The following FHOD1 variants were observed in gnomAD, a reference collection of about 807,000 sequenced individuals.
FHOD1 encodes FH1/FH2 domain-containing protein 1.
Under a neutral mutation model 111.6 loss-of-function variants are expected in FHOD1, and 89 were observed. The observed-to-expected ratio is 0.80, with a 90% CI of 0.67 to 0.95. FHOD1 has a LOEUF of 0.95. Ranked by LOEUF, FHOD1 falls within the 40% of genes least tolerant of loss-of-function variation. The pLI, the probability that FHOD1 is intolerant of heterozygous loss-of-function variation, is 0.00. For missense variants in FHOD1, 1,446 were observed against 1,554.2 expected (o/e 0.93, Z 1.17); for synonymous variants, 618 against 639.0 (o/e 0.97, Z 0.50).
chr16:67,233,958 A>T lies in FHOD1; in HGVS notation c.1745T>A (p.Val582Glu). 6.9e-7 allele frequency: 1 copy of T among 1,456,470 alleles called. No homozygotes were observed. Among genetic ancestry groups the T allele is most frequent in the South Asian group, 1.4e-5 (1 of 73,352 alleles). 90.2% of individuals were successfully genotyped at this position (1,456,470 alleles called of 1,614,324 possible). A position where few individuals can be genotyped will look rare whatever the true frequency, so the allele number is the denominator to read the frequency against. The part of the protein sequence containing the change: ...PSPPLPLLSG[V>E]PPPPPLPPPP... ...AGGTGGAAGTGGGGGAGGGGGGGGT[A>T]CTCCCGAGAGCAGGGGCAGTGGGGG... The change falls in exon 13 of 22, where the codon GTA becomes GAA. Residue 582 changes from valine (V) to glutamate (E), a missense_variant. Transcript: ENST00000258201.
chr16:67,230,701 C>G lies in FHOD1; in HGVS notation c.2758G>C (p.Glu920Gln). 6.2e-7 allele frequency: 1 copy of G among 1,613,828 alleles called. No homozygotes were observed. Among genetic ancestry groups the G allele is most frequent in the Non-Finnish European group, 8.5e-7 (1 of 1,179,936 alleles). The change falls in exon 18 of 22, where the codon GAG (glutamate) becomes CAG (glutamine). Residue 920 changes from glutamate to glutamine, a missense_variant. Physicochemically the swap from Glu to Gln is conservative, Grantham distance 29. Coordinates refer to ENST00000258201, the MANE Select transcript of FHOD1 (RefSeq NM_013241.3). The part of the protein sequence containing the change: ...EESLRSLAKH[E>Q]LAPALRARLT... ...CGGGCACGCAGGGCTGGGGCCAGCTCATGCTTGGCCAAGCTCCGCAGGCTC... is the reference window on the plus strand; with the variant it reads ...CGGGCACGCAGGGCTGGGGCCAGCTGATGCTTGGCCAAGCTCCGCAGGCTC...
chr16:67,247,449 C>A lies in FHOD1; in HGVS notation c.-39G>T. On this transcript the variant is annotated 5_prime_UTR_variant, in exon 1 of 22. Coordinates refer to ENST00000258201, the MANE Select transcript of FHOD1 (RefSeq NM_013241.3). ...GCTCACGCAGCGCGCCTCCGAGTCC[C>A]GGCCCCAGTGCAGCTTCTACTCAAA... is the stretch of plus-strand genomic sequence containing the variant. 1 of 1,599,652 alleles carries A rather than the reference C, an allele frequency of 6.3e-7. No individual in the cohort carries two copies. Among genetic ancestry groups the A allele is most frequent in the Non-Finnish European group, 8.5e-7 (1 of 1,172,016 alleles).
Position 67,230,734 on chromosome 16 carries a change from C to A in FHOD1, c.2725G>T (p.Ala909Ser), listed in dbSNP as rs765662304. Residue 909 changes from alanine (A) to serine (S), a missense_variant, in exon 18 of 22, where the codon GCC becomes TCC. Ala to Ser is a moderately conservative substitution (Grantham distance 99). Coordinates refer to ENST00000258201, the MANE Select transcript of FHOD1 (RefSeq NM_013241.3). ...GCCAAGCTCCGCAGGCTCTCCTCGG[C>A]TGCCCGGCTCCGGCGCTCCAGCTGC... is the stretch of plus-strand genomic sequence containing the variant. ...LGQLERRSRA[A>S]EESLRSLAKH... 13 of 1,611,144 alleles carry A rather than the reference C, an allele frequency of 8.1e-6. No individual in the cohort carries two copies. Among genetic ancestry groups the A allele is most frequent in the Admixed American group, 1.7e-5 (1 of 59,782 alleles).
chr16:67,237,485 A>T lies in FHOD1; in HGVS notation c.839T>A (p.Leu280His). The T allele has an allele frequency of 6.2e-7, 1 of 1,614,144 alleles. No individual in the cohort carries two copies. Among genetic ancestry groups the T allele is most frequent in the Non-Finnish European group, 8.5e-7 (1 of 1,180,002 alleles). ...DPELLVYTVTLINKTLAALPD... is the reference protein window; with the variant it reads ...DPELLVYTVTHINKTLAALPD... ...AGTCCTTGGCCACACCTTGTTGATG[A>T]GGGTGACCGTGTACACCAACAACTC... The change falls in exon 8 of 22, where the codon CTC becomes CAC. Residue 280 changes from leucine (L) to histidine (H), a missense_variant. Physicochemically the swap from Leu to His is moderately conservative, Grantham distance 99 (BLOSUM62 -3). Coordinates refer to ENST00000258201, the MANE Select transcript of FHOD1 (RefSeq NM_013241.3). The surrounding 1 kb of genome is among the most constrained non-coding windows in gnomAD (Gnocchi z 5.6).
chr16:67,234,198 C>G lies in FHOD1; in HGVS notation c.1505G>C (p.Cys502Ser). Residue 502 changes from cysteine to serine, a missense_variant, in exon 13 of 22, where the codon TGT (cysteine) becomes TCT (serine). Physicochemically the swap from Cys to Ser is moderately radical, Grantham distance 112. Transcript: ENST00000258201. Reference protein sequence around the residue: ...AARTPQSPAPCVLLRAQRSLA... With the variant: ...AARTPQSPAPSVLLRAQRSLA... ...GCTTCGCTGGGCCCGGAGCAGGACA[C>G]AGGGGGCAGGGCTCTGGGGTGTTCT... 1 of 1,548,284 alleles carries G rather than the reference C, an allele frequency of 6.5e-7. No homozygotes were observed. The highest frequency in any genetic ancestry group is 1.7e-4 in the Middle Eastern group (1 of 5,726).
chr16:67,237,591 A>G lies in FHOD1; in HGVS notation c.755-22T>C, dbSNP rs2034537731. ...GCACCTGCCACACAGAAAGTGGAGCAGTCATGGGGGAACAGGTAGGAGAGA... is the reference window on the plus strand; with the variant it reads ...GCACCTGCCACACAGAAAGTGGAGCGGTCATGGGGGAACAGGTAGGAGAGA... On this transcript the variant is annotated intron_variant, in intron 7 of 21. Transcript: ENST00000258201. This position sits in a 1 kb window ranked among gnomAD's most constrained non-coding sequence, Gnocchi z 5.6. 8 of 1,613,758 alleles carry G rather than the reference A, an allele frequency of 5.0e-6. No individual in the cohort carries two copies. The highest frequency in any genetic ancestry group is 5.9e-6 in the Non-Finnish European group (7 of 1,179,646).
Position 67,230,485 on chromosome 16 carries a change from G to T in FHOD1, c.2880C>A (p.Tyr960Ter). 1 of 1,614,246 alleles carries T rather than the reference G, an allele frequency of 6.2e-7. No individual in the cohort carries two copies. Among genetic ancestry groups the T allele is most frequent in the South Asian group, 1.1e-5 (1 of 91,090 alleles). The stretch of plus-strand genomic sequence containing the variant: ...GGGCCGCCTGCGGGGTGTAGCCCAG[G>T]TAGAGCAGGAAGGCATGGAACCTAG... ...VCNRFHAFLL[Y>*]LGYTPQAARE... Residue 960 changes from tyrosine to a stop codon, truncating the protein, a stop_gained, in exon 19 of 22, where the codon TAC (tyrosine) becomes TAA (stop). Coordinates refer to ENST00000258201, the MANE Select transcript of FHOD1 (RefSeq NM_013241.3). LOFTEE classifies it high-confidence loss of function.
chr16:67,236,656 G>A lies in FHOD1; in HGVS notation c.1220C>T (p.Pro407Leu), dbSNP rs1182744774. Residue 407 changes from proline to leucine, a missense_variant, in exon 11 of 22, where the codon CCT becomes CTT. Pro to Leu is a moderately conservative substitution (Grantham distance 98). This residue lies in a region of FHOD1 where 1,085 missense variants were observed against 1,108.8 expected (regional missense o/e 0.98). Coordinates refer to ENST00000258201, the MANE Select transcript of FHOD1 (RefSeq NM_013241.3). ...PALLTGPASS[P>L]VGPPSGLQAS... The stretch of plus-strand genomic sequence containing the variant: ...TTGGAGACCGGAGGGAGGGCCCACA[G>A]GGCTGGAGGCGGGGCCTGTCAGCAG... 6.2e-7 allele frequency: 1 copy of A among 1,611,374 alleles called. No homozygotes were observed. The highest frequency in any genetic ancestry group is 1.7e-5 in the Admixed American group (1 of 59,582).
In FHOD1 at chr16:67,233,731, C is replaced by G. The variant is rs1200085030; in HGVS notation, c.1972G>C (p.Asp658His). The change falls in exon 13 of 22, where the codon GAC becomes CAC. Residue 658 changes from aspartate (D) to histidine (H), a missense_variant. Around this residue, in one of 3 missense-constraint regions of FHOD1, gnomAD observed 1,085 missense variants for 1,108.8 expected, o/e 0.98. Transcript: ENST00000258201. ...CGGGCCGTGTCCACTGAGACAGGGT[C>G]CAGTGAAGCCCAGAGGGTGGCGCAG... ...GPCATLWASLDPVSVDTARLE... is the reference protein window; with the variant it reads ...GPCATLWASLHPVSVDTARLE... 1.2e-6 allele frequency: 2 copies of G among 1,613,580 alleles called. No homozygotes were observed. The highest frequency in any genetic ancestry group is 3.3e-5 in the Admixed American group (2 of 59,982).
Position 67,238,794 on chromosome 16 carries a change from C to A in FHOD1, c.373+109G>T. On this transcript the variant is annotated intron_variant, in intron 3 of 21. Coordinates refer to ENST00000258201, the MANE Select transcript of FHOD1 (RefSeq NM_013241.3). This position sits in a 1 kb window ranked among gnomAD's most constrained non-coding sequence, Gnocchi z 4.2. ...AGGTCAGGATAGGGAGAGGAAGGAGCACATACAGCTAAACCTACTTTGCTC... is the reference window on the plus strand; with the variant it reads ...AGGTCAGGATAGGGAGAGGAAGGAGAACATACAGCTAAACCTACTTTGCTC... 1 of 1,025,302 alleles carries A rather than the reference C, an allele frequency of 9.8e-7. No individual in the cohort carries two copies. The highest frequency in any genetic ancestry group is 1.5e-6 in the Non-Finnish European group (1 of 650,134). 63.5% of individuals were successfully genotyped at this position (1,025,302 alleles called of 1,614,324 possible).
chr16:67,233,937 G>A lies in FHOD1; in HGVS notation c.1766C>T (p.Pro589Leu). The change falls in exon 13 of 22, where the codon CCA becomes CTA. Residue 589 changes from proline (P) to leucine (L), a missense_variant. By Grantham distance (98) the Pro-to-Leu change is moderately conservative. This residue lies in a region of FHOD1 where 1,085 missense variants were observed against 1,108.8 expected (regional missense o/e 0.98). Transcript: ENST00000258201. ...GGGGCCTTTGATGGGTGGGGGAGGT[G>A]GAAGTGGGGGAGGGGGGGGTACTCC... ...LSGVPPPPPL[P>L]PPPPIKGPFP... 2.2e-6 allele frequency: 3 copies of A among 1,343,974 alleles called. No homozygotes were observed. Among genetic ancestry groups the A allele is most frequent in the Non-Finnish European group, 3.1e-6 (3 of 960,794 alleles). The allele number at this position is 1,343,974 out of a possible 1,614,324, so 83.3% of individuals were successfully genotyped here.
chr16:67,238,518 C>T lies in FHOD1; in HGVS notation c.374-71G>A. On this transcript the variant is annotated intron_variant, in intron 3 of 21. Coordinates refer to ENST00000258201, the MANE Select transcript of FHOD1 (RefSeq NM_013241.3). This position sits in a 1 kb window ranked among gnomAD's most constrained non-coding sequence, Gnocchi z 4.2. ...GTCTTCCTCTGCTTGGATACAACCA[C>T]AACTCTCCACCAAAGAATAGTCTAA... 7.4e-7 allele frequency: 1 copy of T among 1,350,966 alleles called. No individual in the cohort carries two copies. 83.7% of individuals were successfully genotyped at this position (1,350,966 alleles called of 1,614,324 possible).
chr16:67,242,612 G>A lies in FHOD1; in HGVS notation c.202-3158C>T, dbSNP rs139441784. On this transcript the variant is annotated intron_variant, in intron 1 of 21. Transcript: ENST00000258201. ...GCCCAAACCCTGGTCCTTGCTGACGGGGCTTAAGCTCAGCACGTAGTATGG... is the reference window on the plus strand; with the variant it reads ...GCCCAAACCCTGGTCCTTGCTGACGAGGCTTAAGCTCAGCACGTAGTATGG... 7.2e-3 allele frequency among the ~76,000 whole-genome samples: 1,094 copies of A among 152,328 alleles called. 5 individuals are homozygous for A. The highest frequency in any genetic ancestry group is 0.012 in the Non-Finnish European group (820 of 68,032).
intron 1 of FHOD1, among the ~76,000 whole-genome samples, chr16:67,242,097 T>C (rs1316273763): frequency 6.6e-6 from 1 of 152,048 alleles, no homozygotes; most frequent in East Asian, 1.9e-4. Context: ...GCCTCCTGAG[T>C]AGCTAAGGTT....
chr16:67,229,449 C>CATGCAT lies in FHOD1; in HGVS notation c.*181_*186dup. 1 of 621,498 alleles carries CATGCAT rather than the reference C, an allele frequency of 1.6e-6. No individual in the cohort carries two copies. The highest frequency in any genetic ancestry group is 2.7e-5 in the East Asian group (1 of 36,422). 38.5% of individuals were successfully genotyped at this position (621,498 alleles called of 1,614,324 possible). ...CGTTCAAGGAGCTCACACACATGCA[C>CATGCAT]ATGCATATGCATGCACACACACACA... On this transcript the variant is annotated 3_prime_UTR_variant, in exon 22 of 22. Transcript: ENST00000258201.
chr16:67,243,196 G>C (rs1156958289), intron 1 of FHOD1, among the ~76,000 whole-genome samples: 1 of 151,948 alleles, frequency 6.6e-6, no homozygotes, highest in African/African-American at 2.4e-5. Flanking sequence ...TGCCTCTTTT[G>C]TCTCCTTTCC....
Position 67,230,453 on chromosome 16 carries a change from A to G in FHOD1, c.2912T>C (p.Val971Ala), listed in dbSNP as rs2034214912. 1.9e-6 allele frequency: 3 copies of G among 1,614,112 alleles called. No individual in the cohort carries two copies. Among genetic ancestry groups the G allele is most frequent in the Non-Finnish European group, 1.7e-6 (2 of 1,180,042 alleles). Residue 971 changes from valine (V) to alanine (A), a missense_variant, in exon 19 of 22, where the codon GTG (valine) becomes GCG (alanine). This residue lies in a region of FHOD1 where 1,085 missense variants were observed against 1,108.8 expected (regional missense o/e 0.98). Transcript: ENST00000258201. Reference protein sequence around the residue: ...LGYTPQAAREVRIMQFCHTLR... With the variant: ...LGYTPQAAREARIMQFCHTLR... ...CGTGTGGCAGAACTGCATGATGCGC[A>G]CTTCACGGGCCGCCTGCGGGGTGTA...
intron 12 of FHOD1, 33 bp from the exon 13 acceptor site, chr16:67,234,300 C>T (rs1172367691): frequency 1.3e-6 from 2 of 1,595,346 alleles, no homozygotes; most frequent in African/African-American, 2.7e-5. Context: ...CAGTGCCATG[C>T]CCCCTGTGGG....
At position 67,237,026 on chromosome 16, in the gene FHOD1, C is replaced by T. The variant is rs745829895; in HGVS notation, c.1082G>A (p.Gly361Asp). The change falls in exon 10 of 22, where the codon GGC (glycine) becomes GAC (aspartate). Residue 361 changes from glycine to aspartate, a missense_variant. By Grantham distance (94) the Gly-to-Asp change is moderately conservative. Transcript: ENST00000258201. The surrounding 1 kb of genome is among the most constrained non-coding windows in gnomAD (Gnocchi z 5.6). ...TTCCAGAGAACGGCGGCTCCTCTTGCCCTCCTCAGAAGAAGGCTTTCGTCG... is the reference window on the plus strand; with the variant it reads ...TTCCAGAGAACGGCGGCTCCTCTTGTCCTCCTCAGAAGAAGGCTTTCGTCG... ...RERRKPSSEE[G>D]KRSRRSLEGG... is the part of the protein sequence containing the mutation. The T allele has an allele frequency of 1.2e-6, 2 of 1,612,730 alleles. No individual in the cohort carries two copies. The highest frequency in any genetic ancestry group is 1.7e-6 in the Non-Finnish European group (2 of 1,179,642).
Sources: allele counts gnomAD v4.1 joint callset (sites outside exome capture counted in the v4.1 genomes callset), GRCh38; gene constraint gnomAD v4.1.1; regional missense constraint gnomAD v4.1.1; non-coding constraint Gnocchi (gnomAD v3.1); transcripts MANE v1.5; gene names NCBI Gene and HGNC (gene_info 2026-07-23, HGNC 2026-07-21).